The following FARP1 variants were observed in gnomAD, a reference collection of about 807,000 sequenced individuals.
FARP1 encodes FERM, ARH/RhoGEF and pleckstrin domain protein 1, also known as FERM, ARHGEF and pleckstrin domain-containing protein 1.
A neutral mutation model predicts 128.8 loss-of-function variants in FARP1; 52 were observed. The ratio of observed to expected loss-of-function variants is 0.40; its 90% CI spans 0.32 to 0.51. The LOEUF (loss-of-function observed/expected upper bound fraction) is 0.51, where lower values mean the gene tolerates loss of function less well. FARP1 is among the 20% of genes least tolerant of loss of function. FARP1 has a pLI of 0.45. For synonymous variants in FARP1, 580 were observed against 551.8 expected (o/e 1.05, Z -0.72); for missense variants, 1,333 against 1,367.9 (o/e 0.97, Z 0.40).
chr13:98,164,802 G>A (rs954226286), intron 1 of FARP1, among the ~76,000 whole-genome samples: 4 of 152,100 alleles, frequency 2.6e-5, no homozygotes, highest in African/African-American at 4.8e-5. Context: ...CAAGTGGGTC[G>A]GCCGCAGTGG....
chr13:98,348,247 C>T (rs1034730792), intron 3 of FARP1, among the ~76,000 whole-genome samples: 1 of 152,216 alleles, frequency 6.6e-6, no homozygotes, highest in African/African-American at 2.4e-5. Context: ...TCTTGTCCTG[C>T]TCTTGCTCTT....
chr13:98,396,300 C>T, intron 13 of FARP1: 1 of 399,274 alleles, frequency 2.5e-6, no homozygotes, highest in Non-Finnish European at 4.4e-6. Context: ...CCGAGGGCTC[C>T]ACCAGCAGTG....
At chr13:98,409,673 C>G in intron 14 of FARP1, 148 bp downstream of exon 14, 1 of 620,384 alleles carries the variant, frequency 1.6e-6, no homozygotes, top group East Asian at 3.1e-5. Context: ...TAAGTACATT[C>G]ATGTTGTTGT....
chr13:98,193,719 C>T (rs1879390175), intron 1 of FARP1, among the ~76,000 whole-genome samples: 1 of 152,202 alleles, frequency 6.6e-6, no homozygotes, highest in Non-Finnish European at 1.5e-5. Context: ...ATGCTTGTTT[C>T]TTCCAAATGC....
intron 24 of FARP1, among the ~76,000 whole-genome samples, chr13:98,443,456 G>A (rs994186515): frequency 5.3e-5 from 8 of 152,228 alleles, no homozygotes; most frequent in African/African-American, 1.7e-4. Context: ...ACTCGCAGAT[G>A]AGCCATCCCC....
chr13:98,199,754 A>T (rs1453984386), intron 1 of FARP1, among the ~76,000 whole-genome samples: 1 of 152,176 alleles, frequency 6.6e-6, no homozygotes, highest in Non-Finnish European at 1.5e-5. Context: ...CATTGCAGTG[A>T]CCTTGTTAGT....
rs1555329634 is a variant in FARP1 at position 98,232,144 on chromosome 13, G to GTTTTTTTTTTTT, written c.171+18731_171+18732insTTTTTTTTTTTT. Among the ~76,000 whole-genome samples the GTTTTTTTTTTTT allele has an allele frequency of 6.9e-4, 77 of 111,660 alleles. 5 individuals carry two copies. Among genetic ancestry groups the GTTTTTTTTTTTT allele is most frequent in the African/African-American group, 1.4e-3 (33 of 23,620 alleles). The allele number at this position is 111,660 out of a possible 152,430, so 73.3% of individuals were successfully genotyped here. ...CGTGCCCGGCTTTTTTTGTTTGGTT[G>GTTTTTTTTTTTT]GTTTTTTTTTTTTTTTTTTTTTGCT... On this transcript the variant is annotated intron_variant, in intron 2 of 26. Coordinates refer to ENST00000319562, the MANE Select transcript of FARP1 (RefSeq NM_005766.4).
intron 2 of FARP1, among the ~76,000 whole-genome samples, chr13:98,319,359 G>A (rs1441574265): frequency 6.6e-6 from 1 of 152,274 alleles, no homozygotes; most frequent in East Asian, 1.9e-4. Context: ...AGTGGCTCAC[G>A]CCTGTAATCC....
intron 2 of FARP1, among the ~76,000 whole-genome samples, chr13:98,334,865 C>G (rs939090326): frequency 6.6e-6 from 1 of 152,182 alleles, no homozygotes; most frequent in African/African-American, 2.4e-5. Flanking sequence ...CAGATCAGCT[C>G]GTACCTTGAG....
At chr13:98,229,851 C>T (rs944165005) in intron 2 of FARP1, among the ~76,000 whole-genome samples, 3 of 152,084 alleles carry the variant, frequency 2.0e-5, no homozygotes, top group Non-Finnish European at 2.9e-5. Flanking sequence ...CAGTATCTCA[C>T]TTGAGTTACT....
Position 98,389,954 on chromosome 13 carries a change from T to TA in FARP1, c.856-2dup. The TA allele has an allele frequency of 6.2e-7, 1 of 1,613,926 alleles. No individual in the cohort carries two copies. The highest frequency in any genetic ancestry group is 2.2e-5 in the East Asian group (1 of 44,886). Reference sequence around the variant, plus strand: ...AAACCACCGTTGTATTTTCCCTTTTTAGAGTGCGTACCAGGATACCTTGGA... The same window carrying TA: ...AAACCACCGTTGTATTTTCCCTTTTTAAGAGTGCGTACCAGGATACCTTGGA... On this transcript the variant is annotated splice_region_variant and splice_polypyrimidine_tract_variant and intron_variant, in intron 9 of 26. Coordinates refer to ENST00000319562, the MANE Select transcript of FARP1 (RefSeq NM_005766.4).
At chr13:98,255,106 T>A (rs1281722904) in intron 2 of FARP1, among the ~76,000 whole-genome samples, 3 of 152,214 alleles carry the variant, frequency 2.0e-5, no homozygotes, top group Non-Finnish European at 4.4e-5. Flanking sequence ...GGTCTCTTTT[T>A]AGGGCCCCTT....
chr13:98,243,754 T>G (rs1308560933), intron 2 of FARP1, among the ~76,000 whole-genome samples: 1 of 150,450 alleles, frequency 6.6e-6, no homozygotes, highest in African/African-American at 2.4e-5. Context: ...AGGTAATTAA[T>G]CACCCTTTTT....
intron 2 of FARP1, among the ~76,000 whole-genome samples, chr13:98,285,348 T>G (rs756510122): frequency 2.0e-5 from 3 of 152,242 alleles, no homozygotes; most frequent in Non-Finnish European, 4.4e-5. Context: ...TCGTCATGAA[T>G]GCTAGCTCCT....
intron 2 of FARP1, among the ~76,000 whole-genome samples, chr13:98,301,311 G>A (rs981235777): frequency 3.3e-5 from 5 of 152,074 alleles, no homozygotes; most frequent in Non-Finnish European, 5.9e-5. Flanking sequence ...CACTTTCCAC[G>A]TCTGTTTACC....
At chr13:98,447,940 G>A (rs1369352435) in intron 26 of FARP1, 2 of 444,622 alleles carry the variant, frequency 4.5e-6, no homozygotes, top group South Asian at 3.0e-5. Context: ...AAAATAGGAG[G>A]TAGCGTTCTC....
chr13:98,253,563 C>T (rs1883447149), intron 2 of FARP1, among the ~76,000 whole-genome samples: 1 of 152,198 alleles, frequency 6.6e-6, no homozygotes, highest in Non-Finnish European at 1.5e-5. Context: ...TGGTCTCCAC[C>T]TCAAAAGGTG....
At chr13:98,168,426 G>T (rs1224225076) in intron 1 of FARP1, among the ~76,000 whole-genome samples, 1 of 152,032 alleles carries the variant, frequency 6.6e-6, no homozygotes, top group Non-Finnish European at 1.5e-5. Flanking sequence ...TCGACTTTTA[G>T]TCTCTTCAGA....
chr13:98,358,507 G>A (rs1240581653), intron 3 of FARP1, among the ~76,000 whole-genome samples: 1 of 151,952 alleles, frequency 6.6e-6, no homozygotes, highest in Non-Finnish European at 1.5e-5. Context: ...AAAGTGATAG[G>A]TGTTTACAAG....
Sources: gnomAD v4.1 joint callset for allele counts (sites outside exome capture counted in the v4.1 genomes callset) on GRCh38, gnomAD v4.1.1 for gene constraint, MANE v1.5 for transcripts, NCBI Gene and HGNC (gene_info 2026-07-23, HGNC 2026-07-21) for gene names.